FLACC1: variants seen among roughly 807,000 people sequenced by gnomAD.
The protein encoded by FLACC1 is flagellum-associated coiled-coil domain-containing protein 1.
FLACC1 carries 66 observed loss-of-function variants against 62.8 expected under a neutral mutation model. That is an observed-to-expected ratio of 1.05 (90% CI 0.86 to 1.29). The LOEUF is 1.29. Ranked by LOEUF, FLACC1 falls within the 50% of genes most tolerant of loss-of-function variation. The pLI is 0.00. For synonymous variants in FLACC1, 156 were observed against 161.0 expected (o/e 0.97, Z 0.24); for missense variants, 452 against 489.1 (o/e 0.92, Z 0.71).
intron 9 of FLACC1, among the ~76,000 whole-genome samples, chr2:201,325,835 C>T (rs550563672): frequency 2.0e-5 from 3 of 152,226 alleles, no homozygotes; most frequent in Middle Eastern, 3.4e-3. Context: ...CAGCCAGTAT[C>T]GCCCTGATAT....
chr2:201,304,995 G>A (rs1559391514), intron 11 of FLACC1, among the ~76,000 whole-genome samples: 1 of 152,206 alleles, frequency 6.6e-6, no homozygotes, highest in Non-Finnish European at 1.5e-5. Flanking sequence ...GGGAAACCTA[G>A]GCAATACCAT....
At chr2:201,343,273 G>A (rs191815388) in intron 6 of FLACC1, among the ~76,000 whole-genome samples, 345 of 152,330 alleles carry the variant, frequency 2.3e-3, no homozygotes, top group African/African-American at 7.9e-3. Context: ...CTGTGCCTAT[G>A]ACTTAAAATG....
At chr2:201,337,910 G>A (rs1950727217) in intron 7 of FLACC1, among the ~76,000 whole-genome samples, 1 of 152,062 alleles carries the variant, frequency 6.6e-6, no homozygotes, top group African/African-American at 2.4e-5. Context: ...CTCATCTTTT[G>A]TTCCATATGA....
chr2:201,297,708 A>G (rs772729933), intron 12 of FLACC1, among the ~76,000 whole-genome samples: 6 of 152,158 alleles, frequency 3.9e-5, no homozygotes, highest in Non-Finnish European at 7.4e-5. Context: ...GACCCTTCTA[A>G]TAGGTTCTGC....
upstream of FLACC1, among the ~76,000 whole-genome samples, chr2:201,360,657 C>T (rs1439254322): frequency 4.6e-5 from 7 of 152,234 alleles, no homozygotes; most frequent in African/African-American, 1.7e-4. Flanking sequence ...CAGGTAGCCA[C>T]AGGAATCCCG....
intron 10 of FLACC1, among the ~76,000 whole-genome samples, chr2:201,308,467 A>C (rs984285620): frequency 6.6e-6 from 1 of 152,156 alleles, no homozygotes; most frequent in African/African-American, 2.4e-5. Flanking sequence ...AATTTGTTAA[A>C]ATCAACTAAA....
chr2:201,323,285 T>C (rs1950438931), intron 9 of FLACC1, among the ~76,000 whole-genome samples: 1 of 152,174 alleles, frequency 6.6e-6, no homozygotes, highest in Admixed American at 6.5e-5. Context: ...CCAAGGCATA[T>C]AGTCATCAGG....
In FLACC1 at chr2:201,346,415, T is replaced by C. The variant is rs902823603; in HGVS notation, c.368+127A>G. The C allele has an allele frequency of 1.1e-5, 15 of 1,353,880 alleles. No homozygotes were observed. The African/African-American group carries it at 2.0e-4, about 18-fold the overall frequency. The allele number at this position is 1,353,880 out of a possible 1,614,324, so 83.9% of individuals were successfully genotyped here. A position where few individuals can be genotyped will look rare whatever the true frequency, so the allele number is the denominator to read the frequency against. ...GCAGGGGCGAGGAGGGAGGTGCCCT[T>C]GCGGCCCCTCCAGAGCAGGGACCAG... On this transcript the variant is annotated intron_variant, in intron 5 of 14. Transcript: ENST00000392257. The surrounding 1 kb of genome is among the most constrained non-coding windows in gnomAD (Gnocchi z 4.0).
Position 201,313,898 on chromosome 2 carries a change from A to G in FLACC1, c.676-4648T>C, listed in dbSNP as rs142113650. On this transcript the variant is annotated intron_variant, in intron 9 of 14. Coordinates refer to ENST00000392257, the MANE Select transcript of FLACC1 (RefSeq NM_001127391.3). ...GTTCACATCACAGGACTCTGTGCAG[A>G]CAACCCCCAATACCAGCCTGGAACC... Among the ~76,000 whole-genome samples the G allele has an allele frequency of 9.6e-4, 147 of 152,352 alleles. 3 individuals carry two copies. In the East Asian group the frequency reaches 0.027, roughly 28 times the overall value.
At chr2:201,310,882 C>T (rs964938560) in intron 9 of FLACC1, among the ~76,000 whole-genome samples, 3 of 151,852 alleles carry the variant, frequency 2.0e-5, no homozygotes, top group African/African-American at 2.4e-5. Flanking sequence ...AATGCAAGAC[C>T]GATAGAGTGC....
the FLACC1 span, among the ~76,000 whole-genome samples, chr2:201,362,929 T>G: frequency 6.6e-6 from 1 of 152,150 alleles, no homozygotes; most frequent in South Asian, 2.1e-4. Context: ...TTTGCAGGCC[T>G]GAGGTGGGAG....
At chr2:201,289,653 G>C (rs751547224) in intron 13 of FLACC1, 43 bp downstream of exon 13, 4 of 1,611,444 alleles carry the variant, frequency 2.5e-6, no homozygotes, top group Middle Eastern at 1.6e-4. Flanking sequence ...TGGAGACCTG[G>C]GTTCTTCCCC....
At chr2:201,323,311 A>G (rs1950439480) in intron 9 of FLACC1, among the ~76,000 whole-genome samples, 1 of 152,228 alleles carries the variant, frequency 6.6e-6, no homozygotes, top group African/African-American at 2.4e-5. Flanking sequence ...TAAACTCAAC[A>G]TGAAGGAAAT....
At chr2:201,307,690 G>A in intron 10 of FLACC1, 68 bp from the exon 11 acceptor site, 1 of 1,143,278 alleles carries the variant, frequency 8.7e-7, no homozygotes, top group South Asian at 1.2e-5. Flanking sequence ...GAGAAACCCA[G>A]AATATCTAAA....
In FLACC1 at chr2:201,357,164, T is replaced by G. The variant is rs1300671335; in HGVS notation, c.-230A>C. The stretch of plus-strand genomic sequence containing the variant: ...CGAAGGAGAAAATTCACAGTATATG[T>G]ACTGCGGGAAGACAGACTTCTAGTG... On this transcript the variant is annotated 5_prime_UTR_variant, in exon 1 of 15. Coordinates refer to ENST00000392257, the MANE Select transcript of FLACC1 (RefSeq NM_001127391.3). 1.3e-5 allele frequency: 2 copies of G among 152,238 alleles called. No homozygotes were observed. The highest frequency in any genetic ancestry group is 4.8e-5 in the African/African-American group (2 of 41,462). 9.4% of individuals were successfully genotyped at this position (152,238 alleles called of 1,614,324 possible). A position where few individuals can be genotyped will look rare whatever the true frequency, so the allele number is the denominator to read the frequency against.
chr2:201,335,514 C>T (rs1482476832), intron 7 of FLACC1, among the ~76,000 whole-genome samples: 1 of 151,926 alleles, frequency 6.6e-6, no homozygotes. Context: ...TATTTATAGG[C>T]CTCTATTCTG....
At chr2:201,354,340 A>G (rs918329204) in intron 1 of FLACC1, among the ~76,000 whole-genome samples, 9 of 152,178 alleles carry the variant, frequency 5.9e-5, no homozygotes, top group Non-Finnish European at 1.2e-4. Flanking sequence ...GCAGTGGAGC[A>G]AAGGCAAGAG....
chr2:201,348,425 T>TC, intron 3 of FLACC1, 123 bp from the exon 4 acceptor site: 2 of 943,874 alleles, frequency 2.1e-6, no homozygotes, highest in Non-Finnish European at 3.1e-6. Flanking sequence ...TCTTAGGGGA[T>TC]CCCTAGGATA....
chr2:201,310,273 TA>T (rs1950193733), intron 9 of FLACC1, among the ~76,000 whole-genome samples: 1 of 152,120 alleles, frequency 6.6e-6, no homozygotes, highest in South Asian at 2.1e-4. Flanking sequence ...AGGAGTATCT[TA>T]AAAAAATGAG....
Sources: gnomAD v4.1 joint callset for allele counts (sites outside exome capture counted in the v4.1 genomes callset) on GRCh38, gnomAD v4.1.1 for gene constraint, Gnocchi (gnomAD v3.1) non-coding constraint, MANE v1.5 for transcripts, NCBI Gene and HGNC (gene_info 2026-07-23, HGNC 2026-07-21) for gene names.